Variants in MAML1 observed in about 807,000 individuals in gnomAD.
MAML1 encodes mastermind-like protein 1.
Under a neutral mutation model 77.1 loss-of-function variants are expected in MAML1, and 14 were observed. The observed-to-expected ratio is 0.18, with a 90% CI of 0.12 to 0.28. The LOEUF (loss-of-function observed/expected upper bound fraction) is 0.28. MAML1 is among the 10% of genes least tolerant of loss of function. MAML1 has a pLI of 1.00. For synonymous variants in MAML1, 516 were observed against 551.9 expected, an observed-to-expected ratio of 0.93 and a Z score of 0.91; for missense variants, 1,217 against 1,327.8, an observed-to-expected ratio of 0.92 and a Z score of 1.30.
rs754075900 is a variant in MAML1, at chr5:179,774,575, C to G, written c.2749C>G (p.Pro917Ala). 1.2e-5 allele frequency: 19 copies of G among 1,612,504 alleles called. No individual in the cohort carries two copies. Among genetic ancestry groups the G allele is most frequent in the Non-Finnish European group, 1.4e-5 (16 of 1,179,848 alleles). ...SAQQRTSAPA[P>A]APPPTAPQQG... ...ACAGCAGAGGACCAGCGCCCCTGCC[C>G]CAGCACCACCCCCAACAGCCCCTCA... Residue 917 changes from proline (P) to alanine (A), a missense_variant, in exon 5 of 5, where the codon CCA (proline) becomes GCA (alanine). Transcript: ENST00000292599.
intron 1 of MAML1, among the ~76,000 whole-genome samples, chr5:179,757,377 G>A (rs1177781927): frequency 6.6e-6 from 1 of 152,026 alleles, no homozygotes; most frequent in Non-Finnish European, 1.5e-5. Flanking sequence ...AGACCAGCCT[G>A]ACCAACATGG....
At chr5:179,735,978 G>A (rs953791248) in intron 1 of MAML1, among the ~76,000 whole-genome samples, 3 of 152,066 alleles carry the variant, frequency 2.0e-5, no homozygotes, top group South Asian at 4.2e-4. Flanking sequence ...GAGCCACCGC[G>A]CCCGGCCTAT....
intron 1 of MAML1, among the ~76,000 whole-genome samples, chr5:179,739,889 C>T (rs1779247295): frequency 6.6e-6 from 1 of 152,096 alleles, no homozygotes; most frequent in Admixed American, 6.6e-5. Flanking sequence ...AGAACCAATT[C>T]CCCATGGACA....
intron 1 of MAML1, among the ~76,000 whole-genome samples, chr5:179,753,212 TGTGTGTGTGTGCGCGCGC>T (rs1342906536): frequency 1.2e-4 from 15 of 120,914 alleles, no homozygotes; most frequent in African/African-American, 4.1e-4. Context: ...TGTGTGTGTG[TGTGTGTGTGTGCGCGCGC>T]GCGCGCGCGT....
chr5:179,757,965 A>G (rs1052067763), intron 1 of MAML1, among the ~76,000 whole-genome samples: 4 of 152,238 alleles, frequency 2.6e-5, no homozygotes, highest in Non-Finnish European at 4.4e-5. Context: ...ATACACATGC[A>G]TTATACTGAT....
chr5:179,766,784 T>C lies in MAML1; in HGVS notation c.1731+43T>C. The C allele has an allele frequency of 6.9e-7, 1 of 1,451,638 alleles. No individual in the cohort carries two copies. The highest frequency in any genetic ancestry group is 9.2e-7 in the Non-Finnish European group (1 of 1,083,506). 89.9% of individuals were successfully genotyped at this position (1,451,638 alleles called of 1,614,324 possible). A position where few individuals can be genotyped will look rare whatever the true frequency, so the allele number is the denominator to read the frequency against. ...CTTTCTGTTCCTCTGCTGCAGACACTTCAGTGAGGTTACTCACTACTTTGG... is the reference window on the plus strand; with the variant it reads ...CTTTCTGTTCCTCTGCTGCAGACACCTCAGTGAGGTTACTCACTACTTTGG... On this transcript the variant is annotated intron_variant, in intron 2 of 4. Coordinates refer to ENST00000292599, the MANE Select transcript of MAML1 (RefSeq NM_014757.5). This position sits in a 1 kb window ranked among gnomAD's most constrained non-coding sequence, Gnocchi z 4.0.
At chr5:179,768,064 G>A (rs1015153399) in intron 2 of MAML1, among the ~76,000 whole-genome samples, 4 of 152,198 alleles carry the variant, frequency 2.6e-5, no homozygotes, top group East Asian at 1.9e-4. Context: ...AAATGCTTGC[G>A]CAGATGTACA....
At position 179,733,341 on chromosome 5, in the gene MAML1, C is replaced by CCGCCCGCCGCCACGGCCCCGG. The variant is rs759633589; in HGVS notation, c.241_261dup (p.Thr81_Ala87dup). 6.8e-6 allele frequency: 9 copies of CCGCCCGCCGCCACGGCCCCGG among 1,314,236 alleles called. No individual in the cohort carries two copies. The highest frequency in any genetic ancestry group is 3.5e-5 in the East Asian group (1 of 28,828). 81.4% of individuals were successfully genotyped at this position (1,314,236 alleles called of 1,614,324 possible). ...CAAGCGCGCCGGGAAGCACAGGCAGCCGCCCGCCGCCACGGCCCCGGCGCC... is the reference window on the plus strand; with the variant it reads ...CAAGCGCGCCGGGAAGCACAGGCAGCCGCCCGCCGCCACGGCCCCGGCGCCCGCCGCCACGGCCCCGGCGCC... On this transcript the variant is annotated inframe_insertion, in exon 1 of 5. Transcript: ENST00000292599.
At position 179,765,730 on chromosome 5, in the gene MAML1, C is replaced by T. The variant is rs879206269; in HGVS notation, c.720C>T (p.Leu240=). 13 of 1,613,830 alleles carry T rather than the reference C, an allele frequency of 8.1e-6. No homozygotes were observed. In the Admixed American group the frequency reaches 1.7e-4, roughly 21 times the overall value. The change falls in exon 2 of 5, where the codon CTC becomes CTT. Residue 240 remains leucine, a synonymous_variant. Transcript: ENST00000292599. The part of the protein sequence containing the change: ...GTVGSISQSN[L]MPDLNLNEQE... Reference sequence around the variant, plus strand: ...TCGGCTCCATATCGCAAAGCAACCTCATGCCAGACCTCAACCTTAACGAGC... The same window carrying T: ...TCGGCTCCATATCGCAAAGCAACCTTATGCCAGACCTCAACCTTAACGAGC...
At chr5:179,744,529 T>A (rs1779344606) in intron 1 of MAML1, among the ~76,000 whole-genome samples, 1 of 151,584 alleles carries the variant, frequency 6.6e-6, no homozygotes, top group Non-Finnish European at 1.5e-5. Context: ...AGCTGGATCC[T>A]TTTGGCAGGA....
rs1454007736 is a variant in MAML1 at position 179,766,319 on chromosome 5, C to T, written c.1309C>T (p.His437Tyr). 6.2e-6 allele frequency: 10 copies of T among 1,610,530 alleles called. No individual in the cohort carries two copies. The highest frequency in any genetic ancestry group is 8.5e-6 in the Non-Finnish European group (10 of 1,178,290). Reference sequence around the variant, plus strand: ...CACATGGCAGCAGACGGGGCCCTCCCACAGTTCCTTAGATGTCCCTTACCC... The same window carrying T: ...CACATGGCAGCAGACGGGGCCCTCCTACAGTTCCTTAGATGTCCCTTACCC... ...MSTWQQTGPS[H>Y]SSLDVPYPME... Residue 437 changes from histidine to tyrosine, a missense_variant, in exon 2 of 5, where the codon CAC becomes TAC. His to Tyr is a moderately conservative substitution (Grantham distance 83). Transcript: ENST00000292599. This position sits in a 1 kb window ranked among gnomAD's most constrained non-coding sequence, Gnocchi z 4.0.
intron 1 of MAML1, among the ~76,000 whole-genome samples, chr5:179,739,765 A>G (rs1779244200): frequency 6.6e-6 from 1 of 152,190 alleles, no homozygotes; most frequent in Non-Finnish European, 1.5e-5. Context: ...TCTAGAGGTG[A>G]TTTAAAGTAT....
chr5:179,745,572 C>T (rs745383377), intron 1 of MAML1, among the ~76,000 whole-genome samples: 28 of 149,698 alleles, frequency 1.9e-4, no homozygotes, highest in African/African-American at 4.4e-4. Context: ...AAAAATTAGC[C>T]GGGCGTGGTC....
chr5:179,751,915 G>A (rs889370529), intron 1 of MAML1, among the ~76,000 whole-genome samples: 4 of 151,798 alleles, frequency 2.6e-5, no homozygotes, highest in African/African-American at 9.7e-5. Context: ...GAGGTGAGAG[G>A]ATCATCTGAG....
Position 179,766,598 on chromosome 5 carries a change from C to T in MAML1, c.1588C>T (p.Pro530Ser), listed in dbSNP as rs772665309. 1.2e-6 allele frequency: 2 copies of T among 1,612,744 alleles called. No homozygotes were observed. Among genetic ancestry groups the T allele is most frequent in the African/African-American group, 2.7e-5 (2 of 74,900 alleles). ...CAAAGCGGACTGTGGGCAAGGCAGC[C>T]CGGGGTCTGGCCAGAGCAAGCCAGC... Reference protein sequence around the residue: ...HYKADCGQGSPGSGQSKPALM... With the variant: ...HYKADCGQGSSGSGQSKPALM... The change falls in exon 2 of 5, where the codon CCG (proline) becomes TCG (serine). Residue 530 changes from proline (P) to serine (S), a missense_variant. By Grantham distance (74) the Pro-to-Ser change is moderately conservative. Coordinates refer to ENST00000292599, the MANE Select transcript of MAML1 (RefSeq NM_014757.5). This position sits in a 1 kb window ranked among gnomAD's most constrained non-coding sequence, Gnocchi z 4.0.
Position 179,769,106 on chromosome 5 carries a change from A to G in MAML1, c.1971+17A>G. On this transcript the variant is annotated intron_variant, in intron 3 of 4. Coordinates refer to ENST00000292599, the MANE Select transcript of MAML1 (RefSeq NM_014757.5). This position sits in a 1 kb window ranked among gnomAD's most constrained non-coding sequence, Gnocchi z 4.2. Reference sequence around the variant, plus strand: ...GCGGAACAGGTAAAAAGAAAAGTGGAAGGAAACCACCGCTTCCCACCTTTG... The same window carrying G: ...GCGGAACAGGTAAAAAGAAAAGTGGGAGGAAACCACCGCTTCCCACCTTTG... 6.2e-7 allele frequency: 1 copy of G among 1,613,050 alleles called. No individual in the cohort carries two copies. Among genetic ancestry groups the G allele is most frequent in the South Asian group, 1.1e-5 (1 of 91,064 alleles).
intron 1 of MAML1, among the ~76,000 whole-genome samples, chr5:179,747,402 A>G (rs1779401898): frequency 1.3e-5 from 2 of 152,350 alleles, no homozygotes; most frequent in African/African-American, 2.4e-5. Context: ...TTGCACATCC[A>G]TGTTTAGGGC....
At chr5:179,753,212 TGTGTGTGTGTGCGC>T (rs773518055) in intron 1 of MAML1, among the ~76,000 whole-genome samples, 3 of 120,916 alleles carry the variant, frequency 2.5e-5, no homozygotes, top group African/African-American at 6.3e-5. Context: ...TGTGTGTGTG[TGTGTGTGTGTGCGC>T]GCGCGCGCGC....
intron 1 of MAML1, among the ~76,000 whole-genome samples, chr5:179,755,029 AAGAG>A (rs545994533): frequency 3.2e-4 from 49 of 152,300 alleles, no homozygotes; most frequent in African/African-American, 1.0e-3. Flanking sequence ...TTTGAGGTGA[AAGAG>A]AGGCATATTT....
Sources: gnomAD v4.1 joint callset for allele counts (sites outside exome capture counted in the v4.1 genomes callset) on GRCh38, gnomAD v4.1.1 for gene constraint, Gnocchi (gnomAD v3.1) non-coding constraint, MANE v1.5 for transcripts, NCBI Gene and HGNC (gene_info 2026-07-23, HGNC 2026-07-21) for gene names.